MSRA: variants seen among roughly 807,000 people sequenced by gnomAD.
MSRA encodes the protein mitochondrial peptide methionine sulfoxide reductase.
Under a neutral mutation model 31.3 loss-of-function variants are expected in MSRA, and 54 were observed. The ratio of observed to expected loss-of-function variants is 1.73; its 90% CI spans 1.39 to 2.17. MSRA has a LOEUF of 2.17. MSRA is among the 30% of genes most tolerant of loss of function. MSRA has a pLI of 0.00. For synonymous variants in MSRA, 169 were observed against 116.5 expected (o/e 1.45, Z -2.90); for missense variants, 507 against 300.9 (o/e 1.69, Z -5.07).
chr8:10,225,360 T>G (rs934734900), intron 2 of MSRA, among the ~76,000 whole-genome samples: 56 of 152,174 alleles, frequency 3.7e-4, no homozygotes, highest in African/African-American at 1.3e-3. Flanking sequence ...TGATTAGAGA[T>G]TGAATGGATT....
intron 1 of MSRA, among the ~76,000 whole-genome samples, chr8:10,162,462 AT>A (rs1804749098): frequency 6.6e-6 from 1 of 152,044 alleles, no homozygotes; most frequent in Admixed American, 6.5e-5. Flanking sequence ...TTCTCCTTTA[AT>A]TCAAAGCCTT....
intron 2 of MSRA, among the ~76,000 whole-genome samples, chr8:10,209,938 G>A (rs1364513907): frequency 6.6e-6 from 1 of 152,202 alleles, no homozygotes; most frequent in African/African-American, 2.4e-5. Flanking sequence ...CTTTAGAAGT[G>A]CAGTTTAGCT....
chr8:10,372,849 G>C (rs1362119405), intron 5 of MSRA, among the ~76,000 whole-genome samples: 1 of 152,238 alleles, frequency 6.6e-6, no homozygotes, highest in South Asian at 2.1e-4. Flanking sequence ...TTCCTGTATA[G>C]GCTTAAGCGT....
At chr8:10,075,937 C>T (rs1585095229) in intron 1 of MSRA, among the ~76,000 whole-genome samples, 2 of 152,344 alleles carry the variant, frequency 1.3e-5, no homozygotes, top group South Asian at 2.1e-4. Flanking sequence ...CCTCTCTCCA[C>T]AGGACCTTTC....
intron 1 of MSRA, among the ~76,000 whole-genome samples, chr8:10,108,269 C>A (rs978644695): frequency 3.3e-5 from 5 of 152,184 alleles, no homozygotes; most frequent in Non-Finnish European, 5.9e-5. Flanking sequence ...TTTTCACTCA[C>A]AGGGCAAGAT....
chr8:10,129,020 T>C (rs1801705109), intron 1 of MSRA, among the ~76,000 whole-genome samples: 1 of 152,220 alleles, frequency 6.6e-6, no homozygotes, highest in Non-Finnish European at 1.5e-5. Context: ...CTCACGAGTT[T>C]GCAAGCCCCT....
At chr8:10,408,576 A>T (rs1004120588) in intron 5 of MSRA, among the ~76,000 whole-genome samples, 7 of 152,186 alleles carry the variant, frequency 4.6e-5, no homozygotes, top group African/African-American at 1.7e-4. Flanking sequence ...GTAATAAAAA[A>T]ATCCAGGTTT....
intron 5 of MSRA, among the ~76,000 whole-genome samples, chr8:10,329,688 A>T (rs896635435): frequency 1.3e-5 from 2 of 152,012 alleles, no homozygotes; most frequent in African/African-American, 4.8e-5. Context: ...GGGAGACTGA[A>T]ATTGGGGGCT....
chr8:10,332,384 T>C (rs2129144657), intron 5 of MSRA, among the ~76,000 whole-genome samples: 1 of 152,242 alleles, frequency 6.6e-6, no homozygotes, highest in Admixed American at 6.5e-5. Flanking sequence ...AGCATGAAGT[T>C]ATGATTTAAA....
chr8:10,310,220 G>A (rs917957447), intron 4 of MSRA, among the ~76,000 whole-genome samples: 3 of 152,114 alleles, frequency 2.0e-5, no homozygotes, highest in African/African-American at 7.2e-5. Context: ...GTGCAGACTC[G>A]GATTGGAAGA....
At position 10,428,720 on chromosome 8, in the gene MSRA, C is replaced by T. The variant is rs1042335749; in HGVS notation, c.*408C>T. On this transcript the variant is annotated 3_prime_UTR_variant, in exon 6 of 6. Coordinates refer to ENST00000317173, the MANE Select transcript of MSRA (RefSeq NM_012331.5). ...ACGTGTATAGCCTCAGTGACTCATTCGCTGAAATCCTTCGCTTTACCAAAT... is the reference window on the plus strand; with the variant it reads ...ACGTGTATAGCCTCAGTGACTCATTTGCTGAAATCCTTCGCTTTACCAAAT... 9 of 194,776 alleles carry T rather than the reference C, an allele frequency of 4.6e-5. No individual in the cohort carries two copies. The highest frequency in any genetic ancestry group is 1.4e-4 in the African/African-American group (6 of 41,778). The allele number at this position is 194,776 out of a possible 1,614,324, so 12.1% of individuals were successfully genotyped here. A position where few individuals can be genotyped will look rare whatever the true frequency, so the allele number is the denominator to read the frequency against.
At chr8:10,070,875 GTACCACA>G (rs1312744884) in intron 1 of MSRA, among the ~76,000 whole-genome samples, 20 of 152,190 alleles carry the variant, frequency 1.3e-4, no homozygotes, top group Non-Finnish European at 4.4e-5. Flanking sequence ...TGGTGTGGAT[GTACCACA>G]GTTTAACCAT....
intron 3 of MSRA, among the ~76,000 whole-genome samples, chr8:10,286,106 T>G (rs1362658644): frequency 6.6e-6 from 1 of 152,128 alleles, no homozygotes; most frequent in Non-Finnish European, 1.5e-5. Flanking sequence ...GTGGCTTATT[T>G]AATCTAAGCC....
At chr8:10,223,216 T>A (rs1810682065) in intron 2 of MSRA, among the ~76,000 whole-genome samples, 1 of 152,180 alleles carries the variant, frequency 6.6e-6, no homozygotes, top group Non-Finnish European at 1.5e-5. Flanking sequence ...ATAGAATGGT[T>A]TGATTTAAAC....
rs1381201277 is a variant in MSRA, at chr8:10,054,659, G to C, written c.142+1G>C. On this transcript the variant is annotated splice_donor_variant, in intron 1 of 5. Coordinates refer to ENST00000317173, the MANE Select transcript of MSRA (RefSeq NM_012331.5). LOFTEE classifies it high-confidence loss of function. ...CGGAAGGAACAGACCCCTGTAGCGG[G>C]TAAGCACTGGCCACACGGAAGGCGC... is the stretch of plus-strand genomic sequence containing the variant. The C allele has an allele frequency of 6.5e-7, 1 of 1,548,042 alleles. No homozygotes were observed. The highest frequency in any genetic ancestry group is 1.2e-5 in the South Asian group (1 of 84,730).
intron 5 of MSRA, among the ~76,000 whole-genome samples, chr8:10,421,940 C>G (rs1044065357): frequency 4.3e-4 from 66 of 152,172 alleles, no homozygotes; most frequent in Non-Finnish European, 1.8e-4. Flanking sequence ...GCTTTCACCC[C>G]TGGGTGGGGA....
At chr8:10,416,804 G>C (rs763501168) in intron 5 of MSRA, among the ~76,000 whole-genome samples, 12 of 152,230 alleles carry the variant, frequency 7.9e-5, no homozygotes, top group African/African-American at 1.9e-4. Flanking sequence ...TGAGGAGCAA[G>C]GGCAGAGCTG....
chr8:10,159,878 TG>T (rs1281409300), intron 1 of MSRA, among the ~76,000 whole-genome samples: 1 of 152,234 alleles, frequency 6.6e-6, no homozygotes, highest in Non-Finnish European at 1.5e-5. Context: ...TTGAGATACA[TG>T]CCTAATTTTG....
chr8:10,087,889 C>G (rs188919547), intron 1 of MSRA, among the ~76,000 whole-genome samples: 1 of 152,228 alleles, frequency 6.6e-6, no homozygotes, highest in East Asian at 1.9e-4. Flanking sequence ...CTCAGGTAAA[C>G]CTCATACATA....
Sources: allele counts gnomAD v4.1 joint callset (sites outside exome capture counted in the v4.1 genomes callset), GRCh38; gene constraint gnomAD v4.1.1; transcripts MANE v1.5; gene names NCBI Gene and HGNC (gene_info 2026-07-23, HGNC 2026-07-21).